RAPGEF2: variants seen among roughly 807,000 people sequenced by gnomAD.
The protein encoded by RAPGEF2 is PDZ domain containing guanine nucleotide exchange factor (GEF) 1.
RAPGEF2 carries 54 observed loss-of-function variants against 186.7 expected under a neutral mutation model. The observed-to-expected ratio is 0.29, with a 90% CI of 0.23 to 0.36. RAPGEF2 has a LOEUF of 0.36. Ranked by LOEUF, RAPGEF2 falls within the 10% of genes least tolerant of loss-of-function variation. The pLI is 1.00. For synonymous variants in RAPGEF2, 712 were observed against 705.9 expected, an observed-to-expected ratio of 1.01 and a Z score of -0.14; for missense variants, 1,532 against 2,045.0, an observed-to-expected ratio of 0.75 and a Z score of 4.84.
chr4:159,326,324 C>T (rs1765915868), intron 11 of RAPGEF2, among the ~76,000 whole-genome samples: 1 of 152,140 alleles, frequency 6.6e-6, no homozygotes, highest in Admixed American at 6.5e-5. Flanking sequence ...AAAATAGCCT[C>T]CATGAGTTTC....
At chr4:159,267,213 A>G in intron 7 of RAPGEF2, 1 of 1,288,958 alleles carries the variant, frequency 7.8e-7, no homozygotes, top group Non-Finnish European at 1.0e-6. Context: ...TTGTTTCCTA[A>G]GAGGAATTTT....
chr4:159,149,734 A>G (rs914083504), intron 1 of RAPGEF2, among the ~76,000 whole-genome samples: 2 of 152,122 alleles, frequency 1.3e-5, no homozygotes, highest in Non-Finnish European at 2.9e-5. Context: ...GTGCTCAAAA[A>G]CTGCATTAAG....
chr4:159,340,445 C>T (rs1429299926), intron 19 of RAPGEF2, among the ~76,000 whole-genome samples: 1 of 152,014 alleles, frequency 6.6e-6, no homozygotes, highest in Non-Finnish European at 1.5e-5. Flanking sequence ...ATGGGTATGT[C>T]ATGGGCTTCA....
At chr4:159,202,431 C>T (rs1027833282) in intron 3 of RAPGEF2, among the ~76,000 whole-genome samples, 4 of 152,148 alleles carry the variant, frequency 2.6e-5, no homozygotes, top group Non-Finnish European at 5.9e-5. Flanking sequence ...TCTCCACTCC[C>T]GAAAACCCCC....
chr4:159,275,130 G>T (rs1177841992), intron 7 of RAPGEF2, among the ~76,000 whole-genome samples: 1 of 151,412 alleles, frequency 6.6e-6, no homozygotes, highest in East Asian at 1.9e-4. Flanking sequence ...TGCACAGTCT[G>T]TGATACATCA....
Position 159,360,048 on chromosome 4 carries a change from G to A in RAPGEF2, c.*1909G>A, listed in dbSNP as rs182942531. ...CTTTTGTATTTTTAATACAATAATTGTACATATTGGTTATATTTTTGTTGA... is the reference window on the plus strand; with the variant it reads ...CTTTTGTATTTTTAATACAATAATTATACATATTGGTTATATTTTTGTTGA... On this transcript the variant is annotated 3_prime_UTR_variant, in exon 30 of 30. Coordinates refer to ENST00000691494, the MANE Select transcript of RAPGEF2 (RefSeq NM_001394067.2). 1.1e-3 allele frequency: 174 copies of A among 152,222 alleles called. No homozygotes were observed. Among genetic ancestry groups the A allele is most frequent in the African/African-American group, 4.1e-3 (170 of 41,538 alleles). The allele number at this position is 152,222 out of a possible 1,614,324, so 9.4% of individuals were successfully genotyped here.
intron 3 of RAPGEF2, among the ~76,000 whole-genome samples, chr4:159,210,255 A>ACCATTAGACCAT (rs1306322869): frequency 3.3e-5 from 5 of 152,216 alleles, no homozygotes; most frequent in African/African-American, 1.2e-4. Context: ...GGTAGATGCT[A>ACCATTAGACCAT]TAGGTCTAAG....
At chr4:159,115,229 GA>G (rs1401716732) in intron 1 of RAPGEF2, among the ~76,000 whole-genome samples, 1 of 151,970 alleles carries the variant, frequency 6.6e-6, no homozygotes, top group Non-Finnish European at 1.5e-5. Context: ...TAGAAGATTG[GA>G]TTAAAAAACA....
At chr4:159,259,682 T>G (rs1756577032) in intron 7 of RAPGEF2, among the ~76,000 whole-genome samples, 1 of 152,144 alleles carries the variant, frequency 6.6e-6, no homozygotes, top group Non-Finnish European at 1.5e-5. Context: ...AATCACTTAC[T>G]TACAGTTGTC....
At chr4:159,343,890 TGC>T in intron 22 of RAPGEF2, 144 bp from the exon 23 acceptor site, 1 of 698,610 alleles carries the variant, frequency 1.4e-6, no homozygotes, top group Non-Finnish European at 2.4e-6. Flanking sequence ...CTAGTAAAGT[TGC>T]GTGTGTGAGG....
chr4:159,241,066 T>A, intron 5 of RAPGEF2, 135 bp from the exon 6 acceptor site: 1 of 655,954 alleles, frequency 1.5e-6, no homozygotes, highest in Non-Finnish European at 2.3e-6. Flanking sequence ...ACACTTGAAG[T>A]TTGTCTAGAT....
chr4:159,138,647 C>T (rs1454539078), intron 1 of RAPGEF2, among the ~76,000 whole-genome samples: 1 of 152,066 alleles, frequency 6.6e-6, no homozygotes, highest in Admixed American at 6.6e-5. Flanking sequence ...AATATGATTT[C>T]TACATTGGGG....
At chr4:159,172,675 A>T (rs540834521) in intron 1 of RAPGEF2, among the ~76,000 whole-genome samples, 8 of 152,270 alleles carry the variant, frequency 5.3e-5, no homozygotes, top group Admixed American at 5.2e-4. Context: ...TAAGTGGGGG[A>T]GGTAGAACAG....
At chr4:159,315,078 CTT>C in intron 9 of RAPGEF2, among the ~76,000 whole-genome samples, 1 of 151,080 alleles carries the variant, frequency 6.6e-6, no homozygotes, top group African/African-American at 2.4e-5. Flanking sequence ...AGCAGTATTA[CTT>C]CTATTAATTT....
chr4:159,318,301 G>T (rs776757081), intron 9 of RAPGEF2, among the ~76,000 whole-genome samples: 1 of 152,172 alleles, frequency 6.6e-6, no homozygotes, highest in Admixed American at 6.5e-5. Flanking sequence ...TTTAGCTCTT[G>T]TTAAATGCAA....
chr4:159,266,498 A>G (rs1037611007), intron 7 of RAPGEF2, among the ~76,000 whole-genome samples: 5 of 152,186 alleles, frequency 3.3e-5, no homozygotes, highest in Non-Finnish European at 5.9e-5. Flanking sequence ...ACATATGTAC[A>G]TGAAATTAAG....
At chr4:159,222,495 A>G (rs1751637614) in intron 4 of RAPGEF2, among the ~76,000 whole-genome samples, 1 of 152,228 alleles carries the variant, frequency 6.6e-6, no homozygotes, top group Admixed American at 6.5e-5. Flanking sequence ...TCTTGAAGAA[A>G]TAAATAATGC....
chr4:159,246,349 T>C (rs1754631474), intron 7 of RAPGEF2, among the ~76,000 whole-genome samples: 2 of 152,168 alleles, frequency 1.3e-5, no homozygotes, highest in Admixed American at 1.3e-4. Flanking sequence ...TCAGTGATAA[T>C]ACAATATTTT....
intron 4 of RAPGEF2, among the ~76,000 whole-genome samples, chr4:159,223,511 AAAC>A (rs1751730941): frequency 6.6e-6 from 1 of 152,306 alleles, no homozygotes; most frequent in African/African-American, 2.4e-5. Context: ...AAAATTTGTC[AAAC>A]ACATTGTTGT....
Sources: allele counts gnomAD v4.1 joint callset (sites outside exome capture counted in the v4.1 genomes callset), GRCh38; gene constraint gnomAD v4.1.1; transcripts MANE v1.5; gene names NCBI Gene and HGNC (gene_info 2026-07-23, HGNC 2026-07-21).